Variants in CSMD1 observed in about 807,000 individuals in gnomAD.
The protein encoded by CSMD1 is CUB and sushi domain-containing protein 1.
Under a neutral mutation model 417.5 loss-of-function variants are expected in CSMD1, and 213 were observed. The ratio of observed to expected loss-of-function variants is 0.51; its 90% CI spans 0.46 to 0.57. The LOEUF (loss-of-function observed/expected upper bound fraction) is 0.57, where lower values mean the gene tolerates loss of function less well. Among genes scored for constraint, CSMD1 ranks in the 20% least tolerant of loss-of-function variants. The probability of loss-of-function intolerance (pLI) is 0.00; values close to 1 mark genes in which losing one functional copy is unlikely to be tolerated. For missense variants in CSMD1, 6,923 were observed against 4,529.7 expected (o/e 1.53, Z -15.17); for synonymous variants, 2,862 against 1,736.8 (o/e 1.65, Z -16.11).
At chr8:3,918,265 T>G (rs1434892381) in intron 5 of CSMD1, among the ~76,000 whole-genome samples, 3 of 152,160 alleles carry the variant, frequency 2.0e-5, no homozygotes, top group East Asian at 3.9e-4. Context: ...TGTTGTTGTT[T>G]TTAGCAGCCT....
At chr8:3,913,147 T>A (rs1028576163) in intron 5 of CSMD1, among the ~76,000 whole-genome samples, 2 of 152,080 alleles carry the variant, frequency 1.3e-5, no homozygotes, top group Non-Finnish European at 2.9e-5. Context: ...ATTTGAAGTA[T>A]CCATGTTACA....
intron 41 of CSMD1, among the ~76,000 whole-genome samples, chr8:3,136,868 A>G (rs1199262027): frequency 6.6e-6 from 1 of 152,236 alleles, no homozygotes; most frequent in African/African-American, 2.4e-5. Context: ...TTGTGCCAGT[A>G]TCTGCAGTGA....
chr8:3,071,608 T>A (rs892618915), intron 49 of CSMD1, among the ~76,000 whole-genome samples: 1 of 152,194 alleles, frequency 6.6e-6, no homozygotes, highest in African/African-American at 2.4e-5. Context: ...CTCAAGTGGA[T>A]TATTTCTCAC....
Position 3,541,264 on chromosome 8 carries a change from A to C in CSMD1, c.1344+33681T>G, listed in dbSNP as rs554354009. On this transcript the variant is annotated intron_variant, in intron 10 of 69. Coordinates refer to ENST00000635120, the MANE Select transcript of CSMD1 (RefSeq NM_033225.6). ...TGAAACTGGAAGCCATTACCCTCAA[A>C]GTAATGCAGGAACAGAAAACCAAAT... 9.5e-4 allele frequency among the ~76,000 whole-genome samples: 144 copies of C among 152,320 alleles called. 1 individual carries two copies. Among genetic ancestry groups the C allele is most frequent in the African/African-American group, 3.4e-3 (140 of 41,570 alleles).
intron 40 of CSMD1, among the ~76,000 whole-genome samples, chr8:3,148,506 C>G (rs1399860312): frequency 6.6e-6 from 1 of 152,158 alleles, no homozygotes; most frequent in Non-Finnish European, 1.5e-5. Flanking sequence ...CATTTGAAAA[C>G]AAGACTCATG....
At chr8:3,345,248 G>A (rs1000531962) in intron 22 of CSMD1, among the ~76,000 whole-genome samples, 1 of 152,160 alleles carries the variant, frequency 6.6e-6, no homozygotes, top group Non-Finnish European at 1.5e-5. Flanking sequence ...GTGGATCCCT[G>A]AGAGATTGCA....
chr8:4,742,000 CTTTTT>C (rs71209120), intron 1 of CSMD1, among the ~76,000 whole-genome samples: 1 of 73,818 alleles, frequency 1.4e-5, no homozygotes, highest in Admixed American at 1.5e-4. Context: ...ACCACACCCA[CTTTTT>C]TTTTTTTTTT....
intron 50 of CSMD1, among the ~76,000 whole-genome samples, chr8:3,038,288 G>T (rs764782749): frequency 6.6e-6 from 1 of 152,096 alleles, no homozygotes; most frequent in African/African-American, 2.4e-5. Context: ...CAATATCAAA[G>T]CTACTTTTTA....
chr8:3,155,453 C>T lies in CSMD1; in HGVS notation c.5914+2444G>A, dbSNP rs111637826. ...CGCGATCTTGGCTCACTGCAAGCTC[C>T]GCCTCCCAGGTTCACGCCATTCTCC... is the stretch of plus-strand genomic sequence containing the variant. On this transcript the variant is annotated intron_variant, in intron 39 of 69. Coordinates refer to ENST00000635120, the MANE Select transcript of CSMD1 (RefSeq NM_033225.6). Among the ~76,000 whole-genome samples, 10 of 136,062 alleles carry T rather than the reference C, an allele frequency of 7.3e-5. No homozygotes were observed. The East Asian group carries it at 9.7e-4, about 13-fold the overall frequency. The allele number at this position is 136,062 out of a possible 152,430, so 89.3% of individuals were successfully genotyped here. A position where few individuals can be genotyped will look rare whatever the true frequency, so the allele number is the denominator to read the frequency against.
intron 41 of CSMD1, among the ~76,000 whole-genome samples, chr8:3,133,930 TCTGGGAGGCCGAGGC>T (rs1817934299): frequency 6.6e-6 from 1 of 152,148 alleles, no homozygotes; most frequent in Non-Finnish European, 1.5e-5. Context: ...ATCTCAGCAC[TCTGGGAGGCCGAGGC>T]AGGCAGATCG....
chr8:4,702,837 G>T (rs181117379), intron 1 of CSMD1, among the ~76,000 whole-genome samples: 14 of 152,212 alleles, frequency 9.2e-5, no homozygotes, highest in Admixed American at 6.5e-4. Context: ...CTTTGTCTTA[G>T]TTCTTTAATG....
chr8:4,443,736 T>C (rs964571993), intron 2 of CSMD1, among the ~76,000 whole-genome samples: 2 of 152,166 alleles, frequency 1.3e-5, no homozygotes, highest in African/African-American at 4.8e-5. Flanking sequence ...TGATCCAAAA[T>C]ATGAACAGTT....
intron 26 of CSMD1, among the ~76,000 whole-genome samples, chr8:3,233,360 G>A (rs932866336): frequency 2.0e-5 from 3 of 152,334 alleles, no homozygotes; most frequent in South Asian, 2.1e-4. Context: ...GCCTGCACAC[G>A]TTAGGACTCC....
intron 1 of CSMD1, among the ~76,000 whole-genome samples, chr8:4,894,632 C>G (rs1300143918): frequency 1.3e-5 from 2 of 151,508 alleles, no homozygotes; most frequent in Non-Finnish European, 2.9e-5. Flanking sequence ...TATCATTTAT[C>G]TGCAAATATC....
At chr8:3,701,133 G>T (rs1800841954) in intron 7 of CSMD1, among the ~76,000 whole-genome samples, 1 of 152,062 alleles carries the variant, frequency 6.6e-6, no homozygotes, top group Admixed American at 6.6e-5. Flanking sequence ...AGGTAAGAGG[G>T]AGAGAGATGC....
intron 31 of CSMD1, 87 bp from the exon 32 acceptor site, chr8:3,201,812 G>A: frequency 4.9e-6 from 3 of 610,532 alleles, no homozygotes; most frequent in South Asian, 2.7e-5. Flanking sequence ...TCTATTAATT[G>A]CCCCAATGGA....
intron 5 of CSMD1, among the ~76,000 whole-genome samples, chr8:3,954,427 G>A (rs1229850732): frequency 6.6e-6 from 1 of 152,018 alleles, no homozygotes; most frequent in Non-Finnish European, 1.5e-5. Context: ...CAGTGGCGGT[G>A]GTGATCTCAG....
rs1001333304 is a variant in CSMD1, at chr8:4,619,068, C to T, written c.302+18274G>A. ...TCTGCTCAAGCATTTTTTCCCGGTA[C>T]GAAAGCCAAACAAATATTAAATAAT... is the stretch of plus-strand genomic sequence containing the variant. On this transcript the variant is annotated intron_variant, in intron 2 of 69. Coordinates refer to ENST00000635120, the MANE Select transcript of CSMD1 (RefSeq NM_033225.6). Among the ~76,000 whole-genome samples the T allele has an allele frequency of 1.8e-4, 28 of 152,022 alleles. 1 individual carries two copies. The highest frequency in any genetic ancestry group is 9.2e-4 in the Admixed American group (14 of 15,240).
At chr8:3,776,570 C>T (rs1312437833) in intron 5 of CSMD1, among the ~76,000 whole-genome samples, 2 of 152,120 alleles carry the variant, frequency 1.3e-5, no homozygotes, top group South Asian at 2.1e-4. Context: ...TCAAAGGTGA[C>T]TCACCTTCTT....
Sources: allele counts gnomAD v4.1 joint callset (sites outside exome capture counted in the v4.1 genomes callset), GRCh38; gene constraint gnomAD v4.1.1; transcripts MANE v1.5; gene names NCBI Gene and HGNC (gene_info 2026-07-23, HGNC 2026-07-21).